The following TAB1 variants were observed in gnomAD, a reference collection of about 807,000 sequenced individuals.
The protein encoded by TAB1 is TGF-beta-activated kinase 1 and MAP3K7-binding protein 1.
Under a neutral mutation model 54.5 loss-of-function variants are expected in TAB1, and 30 were observed. The observed-to-expected ratio is 0.55, with a 90% CI of 0.41 to 0.75. The LOEUF (loss-of-function observed/expected upper bound fraction) is 0.75, where lower values mean the gene tolerates loss of function less well. Among genes scored for constraint, TAB1 ranks in the 30% least tolerant of loss-of-function variants. The pLI, the probability that TAB1 is intolerant of heterozygous loss-of-function variation, is 0.00. For missense variants in TAB1, 609 were observed against 683.2 expected (o/e 0.89, Z 1.21); for synonymous variants, 289 against 286.9 (o/e 1.01, Z -0.07).
chr22:39,408,421 C>T (rs912007090), intron 1 of TAB1, among the ~76,000 whole-genome samples: 5 of 152,232 alleles, frequency 3.3e-5, no homozygotes, highest in Admixed American at 2.0e-4. Context: ...GACACACCAA[C>T]GTGGCAAGTT....
At chr22:39,420,146 G>A (rs866804798) in intron 7 of TAB1, among the ~76,000 whole-genome samples, 12 of 152,314 alleles carry the variant, frequency 7.9e-5, no homozygotes, top group Middle Eastern at 3.4e-3. Context: ...TCACCCCAGC[G>A]CTCATGGCAG....
chr22:39,426,774 G>A lies in TAB1; in HGVS notation c.993G>A (p.Val331=). The A allele has an allele frequency of 6.2e-7, 1 of 1,614,066 alleles. No homozygotes were observed. The highest frequency in any genetic ancestry group is 1.3e-5 in the African/African-American group (1 of 75,078). Residue 331 remains valine, a synonymous_variant, in exon 9 of 11, where the codon GTG becomes GTA. Transcript: ENST00000216160. ...TGGACGCAGTGGCCCAGGCCGTCGT[G>A]GACCGGGTGAAGCGCATCCACAGCG... is the stretch of plus-strand genomic sequence containing the variant. ...TSLDAVAQAV[V]DRVKRIHSDT... is the part of the protein sequence containing the mutation.
chr22:39,408,055 A>G (rs955854704), intron 1 of TAB1, among the ~76,000 whole-genome samples: 3 of 152,220 alleles, frequency 2.0e-5, no homozygotes, highest in Non-Finnish European at 2.9e-5. Flanking sequence ...GAATGGACCA[A>G]GACTCCTTAG....
intron 1 of TAB1, among the ~76,000 whole-genome samples, chr22:39,405,400 A>T (rs1468152439): frequency 2.6e-5 from 4 of 152,250 alleles, no homozygotes; most frequent in African/African-American, 9.6e-5. Context: ...GAAATTTCTC[A>T]TGAGCAGTTC....
chr22:39,431,198 C>T lies in TAB1; in HGVS notation c.*976C>T. 1 of 985,680 alleles carries T rather than the reference C, an allele frequency of 1.0e-6. No homozygotes were observed. Among genetic ancestry groups the T allele is most frequent in the Non-Finnish European group, 1.2e-6 (1 of 830,122 alleles). 61.1% of individuals were successfully genotyped at this position (985,680 alleles called of 1,614,324 possible). On this transcript the variant is annotated 3_prime_UTR_variant, in exon 11 of 11. Coordinates refer to ENST00000216160, the MANE Select transcript of TAB1 (RefSeq NM_006116.3). ...AGGAGGGAAGAGGTTCTTTGAGACACAGTACCCTGGGAGGCATAGGAGAAG... is the reference window on the plus strand; with the variant it reads ...AGGAGGGAAGAGGTTCTTTGAGACATAGTACCCTGGGAGGCATAGGAGAAG...
At chr22:39,419,042 C>T (rs1380893959) in intron 6 of TAB1, among the ~76,000 whole-genome samples, 197 bp downstream of exon 6, 2 of 152,210 alleles carry the variant, frequency 1.3e-5, no homozygotes, top group African/African-American at 4.8e-5. Flanking sequence ...TCAGATCCCC[C>T]GCTGTGTAAT....
intron 1 of TAB1, among the ~76,000 whole-genome samples, chr22:39,404,624 G>A (rs1197934052): frequency 6.6e-6 from 1 of 151,960 alleles, no homozygotes; most frequent in Non-Finnish European, 1.5e-5. Context: ...CATGTCCTGA[G>A]CAATTATATC....
intron 1 of TAB1, among the ~76,000 whole-genome samples, chr22:39,414,047 T>C (rs1445159520): frequency 6.6e-6 from 1 of 152,226 alleles, no homozygotes; most frequent in East Asian, 1.9e-4. Flanking sequence ...CTGCAGTGAT[T>C]ATGCTGAACA....
rs34045145 is a variant in TAB1, at chr22:39,400,758, G to A, written c.33+923G>A. Among the ~76,000 whole-genome samples, 867 of 152,262 alleles carry A rather than the reference G, an allele frequency of 5.7e-3. 11 individuals carry two copies. The highest frequency in any genetic ancestry group is 0.02 in the African/African-American group (816 of 41,538). On this transcript the variant is annotated intron_variant, in intron 1 of 10. Coordinates refer to ENST00000216160, the MANE Select transcript of TAB1 (RefSeq NM_006116.3). ...CCTGTACTAGAAAGTAAACTCCGCC[G>A]GGCGCGGTGGCTCATGCCTGTAATC...
rs34847488 is a variant in TAB1 at position 39,412,892 on chromosome 22, C to CTTT, written c.34-2094_34-2092dup. Among the ~76,000 whole-genome samples the CTTT allele has an allele frequency of 2.4e-3, 220 of 90,336 alleles. 2 individuals are homozygous for CTTT. The highest frequency in any genetic ancestry group is 8.8e-3 in the East Asian group (22 of 2,498). The allele number at this position is 90,336 out of a possible 152,430, so 59.3% of individuals were successfully genotyped here. On this transcript the variant is annotated intron_variant, in intron 1 of 10. Transcript: ENST00000216160. Reference sequence around the variant, plus strand: ...TGTATGTTGATTCCATATCCTGCAACTTTTTTTTTTTTTTTTTTTTTTGAG... The same window carrying CTTT: ...TGTATGTTGATTCCATATCCTGCAACTTTTTTTTTTTTTTTTTTTTTTTTTGAG...
chr22:39,434,331 A>C (rs534915580), downstream of TAB1, among the ~76,000 whole-genome samples: 8 of 152,326 alleles, frequency 5.3e-5, no homozygotes, highest in East Asian at 1.5e-3. Flanking sequence ...GGTCGATGCT[A>C]CCTGCAGCCT....
At chr22:39,418,609 C>G in intron 5 of TAB1, 123 bp from the exon 6 acceptor site, 1 of 705,100 alleles carries the variant, frequency 1.4e-6, no homozygotes, top group Non-Finnish European at 2.5e-6. Context: ...TGGTCTGAGC[C>G]TGTTTTGCCC....
intron 8 of TAB1, among the ~76,000 whole-genome samples, chr22:39,423,351 T>A (rs1927176357): frequency 6.6e-6 from 1 of 152,194 alleles, no homozygotes; most frequent in Non-Finnish European, 1.5e-5. Flanking sequence ...ATGCTTGTAA[T>A]CCCAGGACTT....
intron 7 of TAB1, among the ~76,000 whole-genome samples, chr22:39,421,237 G>C (rs983086685): frequency 4.6e-5 from 7 of 152,142 alleles, no homozygotes; most frequent in African/African-American, 1.4e-4. Context: ...TTAGGATGGC[G>C]TCATTCTGTG....
intron 8 of TAB1, among the ~76,000 whole-genome samples, chr22:39,425,152 C>G (rs1927264774): frequency 6.6e-6 from 1 of 151,238 alleles, no homozygotes. Context: ...GCGGGAAGAT[C>G]ACTTTAGGTC....
In TAB1 at chr22:39,430,922, C is replaced by T. The variant is rs1927562110; in HGVS notation, c.*700C>T. 2 of 986,966 alleles carry T rather than the reference C, an allele frequency of 2.0e-6. No homozygotes were observed. Among genetic ancestry groups the T allele is most frequent in the South Asian group, 4.7e-5 (1 of 21,366 alleles). 61.1% of individuals were successfully genotyped at this position (986,966 alleles called of 1,614,324 possible). On this transcript the variant is annotated 3_prime_UTR_variant, in exon 11 of 11. Transcript: ENST00000216160. Reference sequence around the variant, plus strand: ...CGGCCTGGGCTTCCCCAGAGCCAGGCGTGCGGGAGAGGTGAGGACTGGCCC... The same window carrying T: ...CGGCCTGGGCTTCCCCAGAGCCAGGTGTGCGGGAGAGGTGAGGACTGGCCC...
At chr22:39,422,030 TG>T in intron 8 of TAB1, 59 bp downstream of exon 8, 1 of 1,389,614 alleles carries the variant, frequency 7.2e-7, no homozygotes, top group South Asian at 1.5e-5. Context: ...CATGGTGATG[TG>T]CTCACCCTGC....
At position 39,415,180 on chromosome 22, in the gene TAB1, T is replaced by A. The variant is rs148343489; in HGVS notation, c.170+38T>A. 162 of 1,535,088 alleles carry A rather than the reference T, an allele frequency of 1.1e-4. No individual in the cohort carries two copies. In the East Asian group the frequency reaches 3.6e-3, roughly 34 times the overall value. On this transcript the variant is annotated intron_variant, in intron 2 of 10. Transcript: ENST00000216160. The surrounding 1 kb of genome is among the most constrained non-coding windows in gnomAD (Gnocchi z 4.9). ...GCATTTCTGTGTTGGGCCCGGGGAG[T>A]TGGTTGGTTTGCAAGCAAGGAAAGA...
chr22:39,399,790 G>C lies in TAB1; in HGVS notation c.-13G>C, dbSNP rs745683619. 1.8e-5 allele frequency: 28 copies of C among 1,587,692 alleles called. No homozygotes were observed. The highest frequency in any genetic ancestry group is 1.7e-4 in the Middle Eastern group (1 of 5,910). ...TGCGGGGAGGCGGGCGCTCCCGCAG[G>C]GGTTCCTCCAAGATGGCGGCGCAGA... On this transcript the variant is annotated 5_prime_UTR_variant, in exon 1 of 11. Coordinates refer to ENST00000216160, the MANE Select transcript of TAB1 (RefSeq NM_006116.3).
Sources: gnomAD v4.1 joint callset for allele counts (sites outside exome capture counted in the v4.1 genomes callset) on GRCh38, gnomAD v4.1.1 for gene constraint, Gnocchi (gnomAD v3.1) non-coding constraint, MANE v1.5 for transcripts, NCBI Gene and HGNC (gene_info 2026-07-23, HGNC 2026-07-21) for gene names.